Variants in SNURF observed in about 807,000 individuals in gnomAD.
SNURF encodes the protein SNRPN upstream open reading frame.
Under a neutral mutation model 11.6 loss-of-function variants are expected in SNURF, and 6 were observed. The observed-to-expected ratio is 0.52, with a 90% CI of 0.28 to 1.02. The LOEUF is 1.02. SNURF is among the 50% of genes least tolerant of loss of function. The pLI, the probability that SNURF is intolerant of heterozygous loss-of-function variation, is 0.09. For missense variants in SNURF, 84 were observed against 88.4 expected, an observed-to-expected ratio of 0.95 and a Z score of 0.20; for synonymous variants, 29 against 31.6, an observed-to-expected ratio of 0.92 and a Z score of 0.27.
chr15:24,955,645 G>C (rs1490930012), intron 1 of SNURF, among the ~76,000 whole-genome samples: 1 of 148,266 alleles, frequency 6.7e-6, no homozygotes, highest in African/African-American at 2.5e-5. Context: ...AGGAGGCTAT[G>C]GCAGTGGACC....
At chr15:24,978,345 G>A, downstream of SNURF, 1 of 1,614,012 alleles carries the variant, frequency 6.2e-7, no homozygotes. Flanking sequence ...GGGTTTGATG[G>A]TTCAGCCAGG....
chr15:24,967,808 GAAAAAAA>G (rs35146696), intron 2 of SNURF, 117 bp from the exon 3 acceptor site: 5,969 of 491,794 alleles, frequency 0.012, 17 homozygotes, highest in Non-Finnish European at 0.015. Context: ...ACCCTGTCTG[GAAAAAAA>G]AAAAAAAAAA....
At chr15:24,976,619 C>T (rs1301872717) in intron 5 of SNURF, among the ~76,000 whole-genome samples, 2 of 152,114 alleles carry the variant, frequency 1.3e-5, no homozygotes, top group Non-Finnish European at 2.9e-5. Context: ...CTGGGCATTA[C>T]CTAGGTAAGG....
intron 6 of SNURF, among the ~76,000 whole-genome samples, chr15:24,977,335 T>C (rs1385745370): frequency 6.6e-6 from 1 of 152,114 alleles, no homozygotes; most frequent in Non-Finnish European, 1.5e-5. Flanking sequence ...TGTACTAAGA[T>C]TAGTTTTTAA....
At chr15:24,970,614 T>C (rs1398275145), downstream of SNURF, among the ~76,000 whole-genome samples, 3 of 152,186 alleles carry the variant, frequency 2.0e-5, no homozygotes, top group African/African-American at 7.2e-5. Context: ...TCTGTTTTTC[T>C]TTGGTACCTA....
At chr15:24,960,221 A>C (rs1444882938) in intron 1 of SNURF, among the ~76,000 whole-genome samples, 2 of 152,148 alleles carry the variant, frequency 1.3e-5, no homozygotes, top group Admixed American at 1.3e-4. Context: ...GTCATATGTT[A>C]CTTTCATGAT....
chr15:24,958,664 G>C (rs384654), intron 1 of SNURF: 19,573 of 152,028 alleles, frequency 0.13, 2,423 homozygotes, highest in African/African-American at 0.33. Context: ...ATTTGTTTTG[G>C]AGGCAATGAG....
At chr15:24,975,551 G>C in intron 4 of SNURF, 1 of 1,574,140 alleles carries the variant, frequency 6.4e-7, no homozygotes, top group Non-Finnish European at 8.7e-7. Context: ...CACAGAGGCA[G>C]TGGGAAGGGA....
At chr15:24,971,084 C>A (rs891527475), downstream of SNURF, among the ~76,000 whole-genome samples, 1 of 151,330 alleles carries the variant, frequency 6.6e-6, no homozygotes, top group Non-Finnish European at 1.5e-5. Flanking sequence ...TTTGGCCAAC[C>A]CTAGTCATCT....
At chr15:24,965,685 T>C (rs2075513859) in intron 2 of SNURF, among the ~76,000 whole-genome samples, 1 of 152,144 alleles carries the variant, frequency 6.6e-6, no homozygotes, top group Non-Finnish European at 1.5e-5. Flanking sequence ...GCTGGAGAGT[T>C]GTCTTAATAT....
chr15:24,976,520 T>C (rs2077077248), intron 5 of SNURF: 2 of 826,156 alleles, frequency 2.4e-6, no homozygotes, highest in South Asian at 3.0e-5. Flanking sequence ...ACATGGATTG[T>C]CAAATAAAAT....
chr15:24,978,496 A>G (rs1566979892), downstream of SNURF: 2 of 1,518,338 alleles, frequency 1.3e-6, no homozygotes, highest in Non-Finnish European at 1.8e-6. Context: ...CGTCTTGTGA[A>G]ATTGTGTAGA....
chr15:24,977,087 G>A (rs745943751), intron 6 of SNURF: 27 of 1,416,358 alleles, frequency 1.9e-5, no homozygotes, highest in African/African-American at 1.0e-4. Flanking sequence ...GCCGGAGGCC[G>A]AGGAGATTTA....
rs1328143257 is a variant in SNURF at position 24,962,274 on chromosome 15, T to G, written c.110+65T>G. ...TCTCCTTTCAGATTAGAACAAAATA[T>G]CATGCAATGAGGGGATTAAAATGAA... On this transcript the variant is annotated intron_variant, in intron 2 of 2. Coordinates refer to ENST00000577949, the Ensembl canonical transcript of SNURF. The G allele has an allele frequency of 8.6e-6, 11 of 1,278,376 alleles. No homozygotes were observed. In the South Asian group the frequency reaches 1.1e-4, roughly 13 times the overall value. The allele number at this position is 1,278,376 out of a possible 1,614,324, so 79.2% of individuals were successfully genotyped here. A position where few individuals can be genotyped will look rare whatever the true frequency, so the allele number is the denominator to read the frequency against.
downstream of SNURF, among the ~76,000 whole-genome samples, chr15:24,972,033 G>A (rs148823635): frequency 2.2e-3 from 342 of 152,180 alleles, no homozygotes; most frequent in African/African-American, 7.9e-3. Flanking sequence ...AGGCCGGCAG[G>A]TCACCTGAAG....
chr15:24,956,742 A>G (rs555642204), intron 1 of SNURF, among the ~76,000 whole-genome samples: 3 of 152,294 alleles, frequency 2.0e-5, no homozygotes, highest in South Asian at 4.1e-4. Flanking sequence ...TCCGCCTAGC[A>G]AGCTTGGCAG....
downstream of SNURF, among the ~76,000 whole-genome samples, chr15:24,969,014 G>A (rs572850914): frequency 1.7e-4 from 26 of 152,160 alleles, no homozygotes; most frequent in Non-Finnish European, 3.5e-4. Context: ...TAAGAGCAGA[G>A]AGGAATTGGG....
At chr15:24,960,765 T>A (rs2074651573) in intron 1 of SNURF, among the ~76,000 whole-genome samples, 1 of 152,188 alleles carries the variant, frequency 6.6e-6, no homozygotes. Context: ...CCTTACATAT[T>A]CTGGATACCA....
Position 24,962,234 on chromosome 15 carries a change from A to C in SNURF, c.110+25A>C, listed in dbSNP as rs140705231. 5.4e-3 allele frequency: 8,555 copies of C among 1,582,586 alleles called. 29 individuals carry two copies. Among genetic ancestry groups the C allele is most frequent in the Non-Finnish European group, 6.9e-3 (7,925 of 1,151,388 alleles). Reference sequence around the variant, plus strand: ...AGTGAGTACAGACTGTGTTGGGAACAAATGCAAGTCAGAATCTCCTTTCAG... The same window carrying C: ...AGTGAGTACAGACTGTGTTGGGAACCAATGCAAGTCAGAATCTCCTTTCAG... On this transcript the variant is annotated intron_variant, in intron 2 of 2. Coordinates refer to ENST00000577949, the Ensembl canonical transcript of SNURF.
Sources: gnomAD v4.1 joint callset for allele counts (sites outside exome capture counted in the v4.1 genomes callset) on GRCh38, gnomAD v4.1.1 for gene constraint, MANE v1.5 for transcripts, NCBI Gene and HGNC (gene_info 2026-07-23, HGNC 2026-07-21) for gene names.